The following IFNAR1 variants were observed in gnomAD, a reference collection of about 807,000 sequenced individuals.
IFNAR1 encodes interferon alpha/beta receptor 1.
IFNAR1 carries 47 observed loss-of-function variants against 62.1 expected under a neutral mutation model. The ratio of observed to expected loss-of-function variants is 0.76; its 90% CI spans 0.60 to 0.97. IFNAR1 has a LOEUF of 0.97. Ranked by LOEUF, IFNAR1 falls within the 50% of genes least tolerant of loss-of-function variation. IFNAR1 has a pLI of 0.00. For synonymous variants in IFNAR1, 219 were observed against 226.9 expected (o/e 0.97, Z 0.31); for missense variants, 638 against 654.5 (o/e 0.97, Z 0.27).
intron 5 of IFNAR1, among the ~76,000 whole-genome samples, chr21:33,345,012 T>A (rs182531740): frequency 0.048 from 7,308 of 152,158 alleles, 607 homozygotes; most frequent in African/African-American, 0.17. Flanking sequence ...CGTCTCGAAC[T>A]CCTGACCTCA....
rs1021941739 is a variant in IFNAR1, at chr21:33,357,362, G to A, written c.*1813G>A. ...GGCACATCCTGCCTGGCACATACAC[G>A]TGTCTGCAGGCCACACCGTGCATGT... On this transcript the variant is annotated 3_prime_UTR_variant, in exon 11 of 11. Transcript: ENST00000270139. The A allele has an allele frequency of 6.6e-6, 1 of 152,170 alleles. No individual in the cohort carries two copies. Among genetic ancestry groups the A allele is most frequent in the Admixed American group, 6.5e-5 (1 of 15,268 alleles). 9.4% of individuals were successfully genotyped at this position (152,170 alleles called of 1,614,324 possible). A position where few individuals can be genotyped will look rare whatever the true frequency, so the allele number is the denominator to read the frequency against.
intron 1 of IFNAR1, among the ~76,000 whole-genome samples, chr21:33,328,691 A>G (rs1461190792): frequency 6.6e-6 from 1 of 152,196 alleles, no homozygotes; most frequent in Non-Finnish European, 1.5e-5. Context: ...TATCCAAAAT[A>G]TGGGAAGACA....
chr21:33,333,612 A>ATTTTTTTTTTTTTTTTT, intron 1 of IFNAR1, among the ~76,000 whole-genome samples: 2 of 112,166 alleles, frequency 1.8e-5, no homozygotes, highest in African/African-American at 7.2e-5. Context: ...GACTGGCGGA[A>ATTTTTTTTTTTTTTTTT]TATTTTTTTT....
At position 33,345,226 on chromosome 21, in the gene IFNAR1, A is replaced by T. The variant is rs1003956077; in HGVS notation, c.674-20A>T. ...TGAGTAAAAATGTGTGCTTTTTTTTATCTGTTCTTTGGCTTCTAGTTGAAA... is the reference window on the plus strand; with the variant it reads ...TGAGTAAAAATGTGTGCTTTTTTTTTTCTGTTCTTTGGCTTCTAGTTGAAA... On this transcript the variant is annotated intron_variant, in intron 5 of 10. Coordinates refer to ENST00000270139, the MANE Select transcript of IFNAR1 (RefSeq NM_000629.3). 4 of 1,175,814 alleles carry T rather than the reference A, an allele frequency of 3.4e-6. No homozygotes were observed. The highest frequency in any genetic ancestry group is 3.8e-5 in the Admixed American group (2 of 52,652). The allele number at this position is 1,175,814 out of a possible 1,614,324, so 72.8% of individuals were successfully genotyped here.
intron 1 of IFNAR1, among the ~76,000 whole-genome samples, chr21:33,332,611 A>G (rs377194477): frequency 6.6e-6 from 1 of 152,214 alleles, no homozygotes; most frequent in East Asian, 1.9e-4. Context: ...GAAAATACAG[A>G]TAGTTCAATG....
intron 8 of IFNAR1, among the ~76,000 whole-genome samples, chr21:33,352,432 A>G (rs1256522308): frequency 2.0e-5 from 3 of 151,938 alleles, no homozygotes; most frequent in Admixed American, 6.6e-5. Flanking sequence ...GTGAAACCCC[A>G]TCTCTACCAA....
At position 33,355,575 on chromosome 21, in the gene IFNAR1, A is replaced by C; in HGVS notation, c.*26A>C. On this transcript the variant is annotated 3_prime_UTR_variant, in exon 11 of 11. Transcript: ENST00000270139. ...CCAGAAATGAACTGTGTCAAGTATA[A>C]GGTTTTTCAGCAGGAGTTACACTGG... The C allele has an allele frequency of 7.5e-7, 1 of 1,324,824 alleles. No homozygotes were observed. Among genetic ancestry groups the C allele is most frequent in the Non-Finnish European group, 1.0e-6 (1 of 956,038 alleles). The allele number at this position is 1,324,824 out of a possible 1,614,324, so 82.1% of individuals were successfully genotyped here. A position where few individuals can be genotyped will look rare whatever the true frequency, so the allele number is the denominator to read the frequency against.
In IFNAR1 at chr21:33,343,273, A is replaced by C. The variant is rs761347916; in HGVS notation, c.382A>C (p.Ile128Leu). 1 of 1,610,878 alleles carries C rather than the reference A, an allele frequency of 6.2e-7. No individual in the cohort carries two copies. The highest frequency in any genetic ancestry group is 8.5e-7 in the Non-Finnish European group (1 of 1,178,910). ...DSFTPFRKAQ[I>L]GPPEVHLEAE... ...TTGTTTTGATTTTTTTGCAGCTCAG[A>C]TTGGTCCTCCAGAAGTACATTTAGA... Residue 128 changes from isoleucine (I) to leucine (L), a missense_variant, in exon 4 of 11, where the codon ATT (isoleucine) becomes CTT (leucine). Transcript: ENST00000270139.
chr21:33,324,858 C>G, upstream of IFNAR1: 1 of 570,580 alleles, frequency 1.8e-6, no homozygotes. Context: ...AGGAAAGGCG[C>G]GTGCGTGGAG....
chr21:33,345,004 T>C (rs1238606235), intron 5 of IFNAR1, among the ~76,000 whole-genome samples: 1 of 152,060 alleles, frequency 6.6e-6, no homozygotes, highest in Non-Finnish European at 1.5e-5. Flanking sequence ...GCCAGGCGCG[T>C]CTCGAACTCC....
At chr21:33,341,294 C>A in intron 3 of IFNAR1, 120 bp downstream of exon 3, 1 of 697,644 alleles carries the variant, frequency 1.4e-6, no homozygotes, top group Non-Finnish European at 2.3e-6. Context: ...AACAAAAATT[C>A]CCTTAAACCT....
chr21:33,355,311 AT>A lies in IFNAR1; in HGVS notation c.1441-3del. ...ATTTCTACTCTTTCCCTTTTTTTAA[AT>A]TAGTATTTCTCTGAACAGCCATTGA... is the stretch of plus-strand genomic sequence containing the variant. On this transcript the variant is annotated splice_region_variant and splice_polypyrimidine_tract_variant and intron_variant, in intron 10 of 10. Coordinates refer to ENST00000270139, the MANE Select transcript of IFNAR1 (RefSeq NM_000629.3). 1 of 1,371,800 alleles carries A rather than the reference AT, an allele frequency of 7.3e-7. No homozygotes were observed. Among genetic ancestry groups the A allele is most frequent in the Non-Finnish European group, 1.0e-6 (1 of 998,944 alleles). The allele number at this position is 1,371,800 out of a possible 1,614,324, so 85.0% of individuals were successfully genotyped here.
At position 33,352,917 on chromosome 21, in the gene IFNAR1, C is replaced by A; in HGVS notation, c.1294+9C>A. On this transcript the variant is annotated intron_variant, in intron 9 of 10. Transcript: ENST00000270139. The stretch of plus-strand genomic sequence containing the variant: ...TGAGAAAACAAAACCAGGTCAGAAT[C>A]TTTTATTGTCTTTTTTAAAAATGTA... The A allele has an allele frequency of 1.9e-6, 3 of 1,543,510 alleles. No homozygotes were observed. The highest frequency in any genetic ancestry group is 2.6e-6 in the Non-Finnish European group (3 of 1,137,048).
At chr21:33,352,602 CAAAA>C (rs564455304) in intron 8 of IFNAR1, among the ~76,000 whole-genome samples, 152 bp from the exon 9 acceptor site, 3 of 142,072 alleles carry the variant, frequency 2.1e-5, no homozygotes, top group Non-Finnish European at 4.4e-5. Flanking sequence ...GACTGTCTCA[CAAAA>C]AAAACAAAAC....
intron 1 of IFNAR1, among the ~76,000 whole-genome samples, chr21:33,328,924 A>G (rs2083152086): frequency 6.6e-6 from 1 of 152,138 alleles, no homozygotes; most frequent in Admixed American, 6.5e-5. Flanking sequence ...TAGTAAATTA[A>G]TATATTGTAT....
In IFNAR1 at chr21:33,353,674, G is replaced by C. The variant is rs2083419544; in HGVS notation, c.1331G>C (p.Cys444Ser). Reference protein sequence around the residue: ...TSKIWLIVGICIALFALPFVI... With the variant: ...TSKIWLIVGISIALFALPFVI... ...AAAATTTGGCTTATAGTTGGAATTT[G>C]TATTGCATTATTTGCTCTCCCGTTT... Residue 444 changes from cysteine (C) to serine (S), a missense_variant, in exon 10 of 11, where the codon TGT becomes TCT. Transcript: ENST00000270139. The C allele has an allele frequency of 6.4e-7, 1 of 1,572,168 alleles. No individual in the cohort carries two copies. The highest frequency in any genetic ancestry group is 1.4e-5 in the African/African-American group (1 of 72,542).
Position 33,353,700 on chromosome 21 carries a change from G to T in IFNAR1, c.1357G>T (p.Val453Phe). The change falls in exon 10 of 11, where the codon GTC (valine) becomes TTC (phenylalanine). Residue 453 changes from valine (V) to phenylalanine (F), a missense_variant. Transcript: ENST00000270139. ...ICIALFALPF[V>F]IYAAKVFLRC... ...TATTGCATTATTTGCTCTCCCGTTT[G>T]TCATTTATGCTGCGAAAGTCTTCTT... 6.3e-7 allele frequency: 1 copy of T among 1,585,178 alleles called. No individual in the cohort carries two copies. The highest frequency in any genetic ancestry group is 8.6e-7 in the Non-Finnish European group (1 of 1,168,676).
In IFNAR1 at chr21:33,357,204, AAGTT is replaced by A. The variant is rs2083456504; in HGVS notation, c.*1658_*1661del. ...AGGGACCAGTGAAAGAAAAGAGACA[AAGTT>A]AGAACGTGCTGGGGAGCGGCCATTT... On this transcript the variant is annotated 3_prime_UTR_variant, in exon 11 of 11. Transcript: ENST00000270139. 6.6e-6 allele frequency: 1 copy of A among 151,984 alleles called. No homozygotes were observed. The highest frequency in any genetic ancestry group is 2.1e-4 in the South Asian group (1 of 4,832). The allele number at this position is 151,984 out of a possible 1,614,324, so 9.4% of individuals were successfully genotyped here. A position where few individuals can be genotyped will look rare whatever the true frequency, so the allele number is the denominator to read the frequency against.
At chr21:33,338,950 C>T (rs185374628) in intron 2 of IFNAR1, among the ~76,000 whole-genome samples, 2 of 152,142 alleles carry the variant, frequency 1.3e-5, no homozygotes, top group Admixed American at 6.5e-5. Context: ...CCATGTTGAT[C>T]GGGCTGATCT....
Sources: allele counts gnomAD v4.1 joint callset (sites outside exome capture counted in the v4.1 genomes callset), GRCh38; gene constraint gnomAD v4.1.1; transcripts MANE v1.5; gene names NCBI Gene and HGNC (gene_info 2026-07-23, HGNC 2026-07-21).